The following CAMK4 variants were observed in gnomAD, a reference collection of about 807,000 sequenced individuals.
The protein encoded by CAMK4 is calcium/calmodulin dependent protein kinase IV.
CAMK4 carries 22 observed loss-of-function variants against 44.9 expected under a neutral mutation model. That is an observed-to-expected ratio of 0.49 (90% CI 0.35 to 0.70). CAMK4 has a LOEUF of 0.70. CAMK4 is among the 30% of genes least tolerant of loss of function. The pLI is 0.01. For missense variants in CAMK4, 498 were observed against 586.8 expected, an observed-to-expected ratio of 0.85 and a Z score of 1.56; for synonymous variants, 218 against 215.4, an observed-to-expected ratio of 1.01 and a Z score of -0.11.
chr5:111,467,373 CAAAAAAAAAA>C (rs34201915), intron 7 of CAMK4, among the ~76,000 whole-genome samples: 1 of 49,506 alleles, frequency 2.0e-5, no homozygotes, highest in South Asian at 9.1e-4. Flanking sequence ...TTCTGCATAG[CAAAAAAAAAA>C]AAAAAAAAAA....
intron 1 of CAMK4, chr5:111,266,171 AG>A (rs1376405593): frequency 6.6e-6 from 1 of 151,056 alleles, no homozygotes; most frequent in African/African-American, 2.4e-5. Flanking sequence ...GTAGAATAGA[AG>A]GTTTCCTAAA....
chr5:111,320,626 C>T (rs1304046605), intron 1 of CAMK4, among the ~76,000 whole-genome samples: 1 of 152,178 alleles, frequency 6.6e-6, no homozygotes, highest in African/African-American at 2.4e-5. Context: ...CCTGCCTCAG[C>T]TTCCCAAGTA....
In CAMK4 at chr5:111,281,271, A is replaced by G. The variant is rs150093852; in HGVS notation, c.161+56627A>G. ...TTTTGGGCTTTGCTCCTGGGGGCTT[A>G]TCCTAAAGCCTGCTACTGTAGTTCT... On this transcript the variant is annotated intron_variant, in intron 1 of 10. Coordinates refer to ENST00000282356, the MANE Select transcript of CAMK4 (RefSeq NM_001744.6). Among the ~76,000 whole-genome samples the G allele has an allele frequency of 4.0e-3, 614 of 152,308 alleles. 14 individuals are homozygous for G. The highest frequency in any genetic ancestry group is 0.039 in the East Asian group (202 of 5,188).
chr5:111,339,258 T>A (rs1184331542), intron 1 of CAMK4, among the ~76,000 whole-genome samples: 5 of 151,396 alleles, frequency 3.3e-5, no homozygotes, highest in Non-Finnish European at 1.5e-5. Flanking sequence ...CTATTTTTGC[T>A]TTTGTTAGCT....
Position 111,463,736 on chromosome 5 carries a change from A to G in CAMK4, c.626-9575A>G, listed in dbSNP as rs569387316. Among the ~76,000 whole-genome samples, 223 of 152,326 alleles carry G rather than the reference A, an allele frequency of 1.5e-3. 1 individual carries two copies. Among genetic ancestry groups the G allele is most frequent in the African/African-American group, 5.2e-3 (215 of 41,584 alleles). On this transcript the variant is annotated intron_variant, in intron 7 of 10. Coordinates refer to ENST00000282356, the MANE Select transcript of CAMK4 (RefSeq NM_001744.6). ...TCCACTGGGTGGCTAGATCCAGAAG[A>G]TTAATAACAAGCACTGCAGTTTGCC...
intron 4 of CAMK4, among the ~76,000 whole-genome samples, chr5:111,377,976 A>T (rs556214217): frequency 2.6e-5 from 4 of 152,210 alleles, no homozygotes; most frequent in African/African-American, 9.6e-5. Flanking sequence ...ATTAGTTTTG[A>T]ATGCGTTGAG....
chr5:111,345,707 G>A (rs1367165829), intron 2 of CAMK4, among the ~76,000 whole-genome samples: 2 of 151,958 alleles, frequency 1.3e-5, no homozygotes, highest in Non-Finnish European at 2.9e-5. Context: ...CAACAGGCTG[G>A]TTTAAAGGCT....
chr5:111,485,301 T>C lies in CAMK4; in HGVS notation c.*835T>C, dbSNP rs1207598361. 2.6e-5 allele frequency: 4 copies of C among 152,310 alleles called. No homozygotes were observed. The East Asian group carries it at 7.7e-4, about 29-fold the overall frequency. 9.4% of individuals were successfully genotyped at this position (152,310 alleles called of 1,614,324 possible). On this transcript the variant is annotated 3_prime_UTR_variant, in exon 11 of 11. Transcript: ENST00000282356. ...AACTGATGAAGATAAGATTGATTCC[T>C]TTTCATTTTCCAGATAAAATTGTAT...
At chr5:111,292,409 G>C (rs576620365) in intron 1 of CAMK4, among the ~76,000 whole-genome samples, 3 of 152,018 alleles carry the variant, frequency 2.0e-5, no homozygotes, top group Non-Finnish European at 2.9e-5. Context: ...ATATGTATGT[G>C]TATATGTATG....
intron 5 of CAMK4, among the ~76,000 whole-genome samples, chr5:111,434,669 G>C (rs1426025692): frequency 6.6e-6 from 1 of 152,170 alleles, no homozygotes; most frequent in African/African-American, 2.4e-5. Flanking sequence ...TCACAGAGTA[G>C]AGGTCAATGA....
At chr5:111,288,729 G>A (rs1032796114) in intron 1 of CAMK4, among the ~76,000 whole-genome samples, 1 of 152,166 alleles carries the variant, frequency 6.6e-6, no homozygotes, top group African/African-American at 2.4e-5. Context: ...ACTAGAGAGT[G>A]TAGTCCCAAG....
intron 1 of CAMK4, among the ~76,000 whole-genome samples, chr5:111,252,423 C>T (rs1749544027): frequency 6.6e-6 from 1 of 152,100 alleles, no homozygotes; most frequent in South Asian, 2.1e-4. Context: ...CTTCCTTGGG[C>T]TTTTATGATA....
chr5:111,473,279 C>G, intron 7 of CAMK4, 32 bp from the exon 8 acceptor site: 1 of 1,404,184 alleles, frequency 7.1e-7, no homozygotes, highest in Non-Finnish European at 1.0e-6. Context: ...TGACTAAGCT[C>G]TAATTTAACA....
chr5:111,287,228 A>C (rs1297834408), intron 1 of CAMK4, among the ~76,000 whole-genome samples: 2 of 152,196 alleles, frequency 1.3e-5, no homozygotes, highest in Non-Finnish European at 2.9e-5. Context: ...AGAAACCTGA[A>C]TAGGGAATAC....
At chr5:111,325,035 T>A (rs1236994815) in intron 1 of CAMK4, among the ~76,000 whole-genome samples, 1 of 151,686 alleles carries the variant, frequency 6.6e-6, no homozygotes, top group Non-Finnish European at 1.5e-5. Context: ...GTGAGTGATG[T>A]TCCCCTCCCT....
Position 111,397,152 on chromosome 5 carries a change from G to C in CAMK4, c.459+2370G>C, listed in dbSNP as rs560076024. On this transcript the variant is annotated intron_variant, in intron 5 of 10. Coordinates refer to ENST00000282356, the MANE Select transcript of CAMK4 (RefSeq NM_001744.6). ...CTTTACCTGAATCAGTCAGGCAGCTGATACAGCAGTTAAGAATACTTTGGC... is the reference window on the plus strand; with the variant it reads ...CTTTACCTGAATCAGTCAGGCAGCTCATACAGCAGTTAAGAATACTTTGGC... Among the ~76,000 whole-genome samples the C allele has an allele frequency of 2.0e-5, 3 of 152,346 alleles. No individual in the cohort carries two copies. The South Asian group carries it at 6.2e-4, about 32-fold the overall frequency.
intron 5 of CAMK4, among the ~76,000 whole-genome samples, chr5:111,417,616 A>G (rs1225993229): frequency 1.3e-5 from 2 of 152,174 alleles, no homozygotes; most frequent in Non-Finnish European, 2.9e-5. Context: ...TTGGATTCCC[A>G]AAATACTGGG....
intron 7 of CAMK4, among the ~76,000 whole-genome samples, chr5:111,455,347 A>G (rs1490862322): frequency 6.6e-6 from 1 of 152,190 alleles, no homozygotes; most frequent in Admixed American, 6.5e-5. Flanking sequence ...TGACTGATTC[A>G]GTCTTAAAAA....
intron 1 of CAMK4, among the ~76,000 whole-genome samples, chr5:111,285,808 G>A (rs1189515870): frequency 6.6e-6 from 1 of 152,082 alleles, no homozygotes; most frequent in African/African-American, 2.4e-5. Flanking sequence ...TCTATCATTG[G>A]GTAGTTTCCC....
Sources: allele counts gnomAD v4.1 joint callset (sites outside exome capture counted in the v4.1 genomes callset), GRCh38; gene constraint gnomAD v4.1.1; transcripts MANE v1.5; gene names NCBI Gene and HGNC (gene_info 2026-07-23, HGNC 2026-07-21).